Variants in EXOC1 observed in about 807,000 individuals in gnomAD.
EXOC1 encodes the protein SEC3-like 1.
EXOC1 carries 67 observed loss-of-function variants against 107.7 expected under a neutral mutation model. That is an observed-to-expected ratio of 0.62 (90% CI 0.51 to 0.76). EXOC1 has a LOEUF of 0.76. EXOC1 is among the 30% of genes least tolerant of loss of function. The pLI, the probability that EXOC1 is intolerant of heterozygous loss-of-function variation, is 0.00. For missense variants in EXOC1, 833 were observed against 1,055.7 expected (o/e 0.79, Z 2.92); for synonymous variants, 348 against 353.5 (o/e 0.98, Z 0.17).
intron 18 of EXOC1, among the ~76,000 whole-genome samples, chr4:55,902,739 G>A (rs1481269698): frequency 2.6e-5 from 4 of 151,388 alleles, no homozygotes; most frequent in Non-Finnish European, 5.9e-5. Flanking sequence ...TCGTATTTCT[G>A]CTATATTATG....
chr4:55,897,816 A>G (rs1034987716), intron 16 of EXOC1, among the ~76,000 whole-genome samples: 1 of 152,170 alleles, frequency 6.6e-6, no homozygotes, highest in African/African-American at 2.4e-5. Context: ...GGGTTTCACC[A>G]TGTTGGCCAG....
intron 10 of EXOC1, 150 bp from the exon 11 acceptor site, chr4:55,888,736 CAT>C (rs1394672647): frequency 1.2e-5 from 8 of 669,712 alleles, no homozygotes; most frequent in South Asian, 5.9e-5. Context: ...ACCAACTAAA[CAT>C]GTGTTTGCAC....
chr4:55,901,767 A>C (rs958240313), intron 17 of EXOC1, among the ~76,000 whole-genome samples: 1 of 152,174 alleles, frequency 6.6e-6, no homozygotes, highest in African/African-American at 2.4e-5. Flanking sequence ...TGACAGAAAT[A>C]TAAATTGGTT....
intron 8 of EXOC1, among the ~76,000 whole-genome samples, 187 bp downstream of exon 8, chr4:55,872,145 T>C (rs1013671590): frequency 1.1e-4 from 17 of 152,162 alleles, no homozygotes; most frequent in Non-Finnish European, 1.5e-5. Flanking sequence ...AGCTGCCTCT[T>C]TTGGTAGACA....
At chr4:55,876,052 T>C in intron 8 of EXOC1, 2 of 984,746 alleles carry the variant, frequency 2.0e-6, no homozygotes, top group African/African-American at 3.5e-5. Flanking sequence ...AACATTTCTG[T>C]AATAGAATGT....
intron 10 of EXOC1, among the ~76,000 whole-genome samples, chr4:55,886,609 G>A (rs1360917178): frequency 1.3e-5 from 2 of 149,518 alleles, no homozygotes; most frequent in African/African-American, 4.9e-5. Flanking sequence ...TAACCCCATC[G>A]TAAGTCAAGG....
At chr4:55,864,704 T>G (rs1721794037) in intron 4 of EXOC1, among the ~76,000 whole-genome samples, 1 of 152,242 alleles carries the variant, frequency 6.6e-6, no homozygotes, top group Non-Finnish European at 1.5e-5. Flanking sequence ...CTTTTTCATA[T>G]AATGTATCAT....
chr4:55,895,983 A>G (rs912059020), intron 15 of EXOC1, among the ~76,000 whole-genome samples: 6 of 152,210 alleles, frequency 3.9e-5, no homozygotes, highest in African/African-American at 1.4e-4. Flanking sequence ...CGTGGCCACC[A>G]ACCAGAAGTT....
intron 9 of EXOC1, 151 bp from the exon 10 acceptor site, chr4:55,883,672 A>G (rs1723612322): frequency 2.0e-6 from 1 of 491,926 alleles, no homozygotes; most frequent in Non-Finnish European, 3.6e-6. Flanking sequence ...GTTTTTTAAG[A>G]CAGAAAGTAA....
Position 55,868,429 on chromosome 4 carries a change from A to G in EXOC1, c.509A>G (p.Asp170Gly). 3.1e-6 allele frequency: 5 copies of G among 1,613,840 alleles called. No homozygotes were observed. The highest frequency in any genetic ancestry group is 4.2e-6 in the Non-Finnish European group (5 of 1,179,808). The change falls in exon 5 of 19, where the codon GAT (aspartate) becomes GGT (glycine). Residue 170 changes from aspartate (D) to glycine (G), a missense_variant. Around this residue, in one of 2 missense-constraint regions of EXOC1, gnomAD observed 617 missense variants for 701.3 expected, o/e 0.88. Coordinates refer to ENST00000381295, the MANE Select transcript of EXOC1 (RefSeq NM_001024924.2). ...YQELNAREEQ[D>G]IEIMMEGCEY... Reference sequence around the variant, plus strand: ...GAGTTAAATGCAAGAGAAGAACAGGATATCGAAATAATGATGGAAGGCTGT... The same window carrying G: ...GAGTTAAATGCAAGAGAAGAACAGGGTATCGAAATAATGATGGAAGGCTGT...
chr4:55,868,288 C>A, intron 4 of EXOC1, 48 bp from the exon 5 acceptor site: 1 of 1,521,682 alleles, frequency 6.6e-7, no homozygotes, highest in Non-Finnish European at 8.9e-7. Flanking sequence ...ATGTTATAGT[C>A]TTTTCTACTT....
intron 10 of EXOC1, 64 bp from the exon 11 acceptor site, chr4:55,888,824 T>C: frequency 5.9e-6 from 9 of 1,534,084 alleles, no homozygotes; most frequent in Non-Finnish European, 8.1e-6. Flanking sequence ...TGTGCATGGT[T>C]TGTGCAAATT....
In EXOC1 at chr4:55,902,340, G is replaced by T; in HGVS notation, c.2338-4G>T. 1.4e-6 allele frequency: 2 copies of T among 1,430,184 alleles called. No homozygotes were observed. The highest frequency in any genetic ancestry group is 1.8e-6 in the Non-Finnish European group (2 of 1,089,576). 88.6% of individuals were successfully genotyped at this position (1,430,184 alleles called of 1,614,324 possible). A position where few individuals can be genotyped will look rare whatever the true frequency, so the allele number is the denominator to read the frequency against. ...AGCCATTGTTTCTTTTCATTTCCTT[G>T]AAGCATTTCTTTGAAGGTGTTGAAG... is the stretch of plus-strand genomic sequence containing the variant. On this transcript the variant is annotated splice_region_variant and splice_polypyrimidine_tract_variant and intron_variant, in intron 17 of 18. Transcript: ENST00000381295.
chr4:55,859,628 A>T (rs1326860627), intron 2 of EXOC1, among the ~76,000 whole-genome samples: 2 of 152,052 alleles, frequency 1.3e-5, no homozygotes, highest in Non-Finnish European at 2.9e-5. Flanking sequence ...TACAGTCTCC[A>T]TCTCAAGGAG....
intron 8 of EXOC1, 85 bp from the exon 9 acceptor site, chr4:55,877,832 A>C: frequency 6.4e-7 from 1 of 1,553,536 alleles, no homozygotes; most frequent in Non-Finnish European, 8.7e-7. Flanking sequence ...TGGCTTGGCC[A>C]CATTTTGGTC....
chr4:55,864,219 T>C lies in EXOC1; in HGVS notation c.256-8T>C. On this transcript the variant is annotated splice_polypyrimidine_tract_variant and splice_region_variant and intron_variant, in intron 3 of 18. Transcript: ENST00000381295. ...AAAAATAATATCTTTTGTATATTTT[T>C]ATTTTAGGAAAATCCTGAATTTGAT... The C allele has an allele frequency of 6.7e-7, 1 of 1,498,370 alleles. No individual in the cohort carries two copies. Among genetic ancestry groups the C allele is most frequent in the Non-Finnish European group, 9.1e-7 (1 of 1,104,552 alleles). The allele number at this position is 1,498,370 out of a possible 1,614,324, so 92.8% of individuals were successfully genotyped here. A position where few individuals can be genotyped will look rare whatever the true frequency, so the allele number is the denominator to read the frequency against.
intron 4 of EXOC1, chr4:55,866,880 A>C (rs1722008264): frequency 1.0e-6 from 1 of 985,302 alleles, no homozygotes; most frequent in South Asian, 4.7e-5. Flanking sequence ...AGAACTGCCT[A>C]AAGTTACAGA....
rs1722418310 is a variant in EXOC1, at chr4:55,871,312, G to A, written c.964+79G>A. 5 of 1,499,372 alleles carry A rather than the reference G, an allele frequency of 3.3e-6. No homozygotes were observed. In the South Asian group the frequency reaches 3.8e-5, roughly 11 times the overall value. The allele number at this position is 1,499,372 out of a possible 1,614,324, so 92.9% of individuals were successfully genotyped here. A position where few individuals can be genotyped will look rare whatever the true frequency, so the allele number is the denominator to read the frequency against. ...TAACTTGTTATAAAGGTTTTGACAA[G>A]AAATACATGAGACAAGTGGTTTAAG... On this transcript the variant is annotated intron_variant, in intron 7 of 18. Transcript: ENST00000381295.
chr4:55,856,288 A>T (rs969809495), intron 1 of EXOC1, among the ~76,000 whole-genome samples: 2 of 152,222 alleles, frequency 1.3e-5, no homozygotes, highest in African/African-American at 2.4e-5. Flanking sequence ...AACAGGGTGA[A>T]ATAATTGTAG....
Sources: gnomAD v4.1 joint callset for allele counts (sites outside exome capture counted in the v4.1 genomes callset) on GRCh38, gnomAD v4.1.1 for gene constraint, gnomAD v4.1.1 regional missense constraint, MANE v1.5 for transcripts, NCBI Gene and HGNC (gene_info 2026-07-23, HGNC 2026-07-21) for gene names.